Variants in RBFOX3 observed in about 807,000 individuals in gnomAD.
The protein encoded by RBFOX3 is RNA binding protein fox-1 homolog 3.
In RBFOX3, 17 loss-of-function variants were observed where a neutral mutation model predicts 48.7. The observed-to-expected ratio is 0.35, with a 90% CI of 0.24 to 0.52. RBFOX3 has a LOEUF of 0.52. Ranked by LOEUF, RBFOX3 falls within the 20% of genes least tolerant of loss-of-function variation. The pLI, the probability that RBFOX3 is intolerant of heterozygous loss-of-function variation, is 0.94. For missense variants in RBFOX3, 382 were observed against 497.5 expected (o/e 0.77, Z 2.21); for synonymous variants, 212 against 209.5 (o/e 1.01, Z -0.10).
intron 4 of RBFOX3, among the ~76,000 whole-genome samples, chr17:79,193,969 G>C (rs1464463150): frequency 6.6e-6 from 1 of 152,132 alleles, no homozygotes; most frequent in Non-Finnish European, 1.5e-5. Flanking sequence ...AAGGGAGGAA[G>C]GCCAGGGCAT....
chr17:79,165,072 C>T (rs1052587008), intron 4 of RBFOX3, among the ~76,000 whole-genome samples: 7 of 152,106 alleles, frequency 4.6e-5, no homozygotes, highest in African/African-American at 9.7e-5. Context: ...CCGGGCCACA[C>T]CTAACAGGCA....
chr17:79,144,757 G>A (rs1485794712), intron 4 of RBFOX3, among the ~76,000 whole-genome samples: 1 of 152,154 alleles, frequency 6.6e-6, no homozygotes, highest in African/African-American at 2.4e-5. Context: ...AGGACTAGGT[G>A]CCCCCCACTC....
At chr17:79,635,416 C>T in the RBFOX3 span, among the ~76,000 whole-genome samples, 4 of 152,174 alleles carry the variant, frequency 2.6e-5, no homozygotes, top group Non-Finnish European at 4.4e-5. Context: ...ATAGGAGCTT[C>T]CCTGCCACGT....
chr17:79,380,212 C>T (rs996563379), intron 2 of RBFOX3, among the ~76,000 whole-genome samples: 4 of 152,126 alleles, frequency 2.6e-5, no homozygotes, highest in Admixed American at 2.6e-4. Context: ...CTCCCCCAGG[C>T]TGCCAAGCCC....
At chr17:79,637,486 G>C in the RBFOX3 span, among the ~76,000 whole-genome samples, 2 of 151,938 alleles carry the variant, frequency 1.3e-5, no homozygotes, top group Admixed American at 1.3e-4. Flanking sequence ...CTGAGGTCAG[G>C]AGTTCGAGAC....
intron 1 of RBFOX3, among the ~76,000 whole-genome samples, chr17:79,579,111 C>T (rs1458183555): frequency 6.6e-6 from 1 of 152,230 alleles, no homozygotes; most frequent in Non-Finnish European, 1.5e-5. Context: ...TCTTCCTGCC[C>T]AGCTCTGCTT....
rs182960891 is a variant in RBFOX3 at position 79,545,275 on chromosome 17, C to T, written c.-319-62677G>A. On this transcript the variant is annotated intron_variant, in intron 1 of 14. Coordinates refer to ENST00000693108, the MANE Select transcript of RBFOX3 (RefSeq NM_001350451.2). ...CCCATTCCCGCCCTCTCCCTCGCCC[C>T]TGCTAGAGGAGCACGTCTACCAGGA... 1.6e-3 allele frequency among the ~76,000 whole-genome samples: 239 copies of T among 152,200 alleles called. 1 individual carries two copies. Among genetic ancestry groups the T allele is most frequent in the Admixed American group, 0.011 (167 of 15,294 alleles).
intron 5 of RBFOX3, among the ~76,000 whole-genome samples, chr17:79,110,808 C>T (rs564110689): frequency 3.9e-5 from 6 of 152,320 alleles, no homozygotes; most frequent in South Asian, 4.1e-4. Flanking sequence ...CACCGTGGCA[C>T]GGGCAGCCGA....
At position 79,406,476 on chromosome 17, in the gene RBFOX3, G is replaced by A. The variant is rs117394494; in HGVS notation, c.-175+75978C>T. On this transcript the variant is annotated intron_variant, in intron 2 of 14. Coordinates refer to ENST00000693108, the MANE Select transcript of RBFOX3 (RefSeq NM_001350451.2). ...GCCACCTGCTTCTCCCTGGGCTGGC[G>A]AGGATGAGGCCTCTCCATTGCCTGG... Among the ~76,000 whole-genome samples the A allele has an allele frequency of 5.2e-3, 794 of 152,280 alleles. 2 individuals carry two copies. Among genetic ancestry groups the A allele is most frequent in the Non-Finnish European group, 9.2e-3 (625 of 68,022 alleles).
At chr17:79,426,687 T>C (rs2067451378) in intron 2 of RBFOX3, among the ~76,000 whole-genome samples, 2 of 151,620 alleles carry the variant, frequency 1.3e-5, no homozygotes, top group African/African-American at 4.9e-5. Flanking sequence ...CTTTGGGGTG[T>C]GTGTTTTTTG....
chr17:79,383,960 G>A (rs72852421), intron 2 of RBFOX3, among the ~76,000 whole-genome samples: 4,348 of 152,274 alleles, frequency 0.029, 86 homozygotes, highest in Non-Finnish European at 0.04. Context: ...GTATGTGGGG[G>A]AAGGCAAGAT....
intron 2 of RBFOX3, among the ~76,000 whole-genome samples, chr17:79,415,862 G>A (rs908048648): frequency 2.0e-4 from 31 of 152,128 alleles, no homozygotes; most frequent in African/African-American, 7.5e-4. Flanking sequence ...GGACTGCAGG[G>A]GTCTCTGAGC....
intron 13 of RBFOX3, 143 bp from the exon 14 acceptor site, chr17:79,094,672 G>A (rs2074795953): frequency 2.0e-6 from 1 of 500,966 alleles, no homozygotes; most frequent in Non-Finnish European, 3.4e-6. Flanking sequence ...CTCCCCTCCT[G>A]CAAGGCCTGC....
intron 4 of RBFOX3, among the ~76,000 whole-genome samples, chr17:79,200,487 A>G (rs1238631140): frequency 6.6e-6 from 1 of 152,270 alleles, no homozygotes; most frequent in Non-Finnish European, 1.5e-5. Flanking sequence ...GAGTGGCCTC[A>G]GCACAGAGCC....
chr17:79,552,123 A>G (rs1053423856), intron 1 of RBFOX3, among the ~76,000 whole-genome samples: 98 of 152,322 alleles, frequency 6.4e-4, no homozygotes, highest in African/African-American at 2.1e-3. Context: ...CCAGAAAAAC[A>G]AGGTTTTGTG....
Position 79,390,334 on chromosome 17 carries a change from T to C in RBFOX3, c.-174-82510A>G, listed in dbSNP as rs1032306588. On this transcript the variant is annotated intron_variant, in intron 2 of 14. Transcript: ENST00000693108. The surrounding 1 kb of genome is among the most constrained non-coding windows in gnomAD (Gnocchi z 4.2). Reference sequence around the variant, plus strand: ...CTTAGACTCCACTCTGAGTTTGGCTTTGCCACGCTGTGGTTTCATCACGAC... The same window carrying C: ...CTTAGACTCCACTCTGAGTTTGGCTCTGCCACGCTGTGGTTTCATCACGAC... 1.4e-4 allele frequency among the ~76,000 whole-genome samples: 22 copies of C among 152,214 alleles called. No individual in the cohort carries two copies. The highest frequency in any genetic ancestry group is 5.3e-4 in the African/African-American group (22 of 41,456).
intron 1 of RBFOX3, among the ~76,000 whole-genome samples, chr17:79,581,344 G>A (rs1238628306): frequency 6.6e-6 from 1 of 152,212 alleles, no homozygotes; most frequent in South Asian, 2.1e-4. Context: ...GCAGAAACAA[G>A]AAGGAAGACT....
intron 2 of RBFOX3, among the ~76,000 whole-genome samples, chr17:79,319,300 C>T (rs2078047789): frequency 6.6e-6 from 1 of 152,166 alleles, no homozygotes; most frequent in African/African-American, 2.4e-5. Context: ...CTCAGTGATC[C>T]ACAGCAGAAA....
Position 79,138,177 on chromosome 17 carries a change from C to T in RBFOX3, c.-33-22429G>A, listed in dbSNP as rs1251121464. On this transcript the variant is annotated intron_variant, in intron 4 of 14. Transcript: ENST00000693108. ...CCGAGCCTGCGAGGCACACTCCCAC[C>T]GCAGGAGCAACCTGTACATGCCTGC... Among the ~76,000 whole-genome samples the T allele has an allele frequency of 6.6e-5, 10 of 152,290 alleles. 2 individuals are homozygous for T. Among genetic ancestry groups the T allele is most frequent in the Admixed American group, 5.9e-4 (9 of 15,302 alleles).
Sources: allele counts gnomAD v4.1 joint callset (sites outside exome capture counted in the v4.1 genomes callset), GRCh38; gene constraint gnomAD v4.1.1; non-coding constraint Gnocchi (gnomAD v3.1); transcripts MANE v1.5; gene names NCBI Gene and HGNC (gene_info 2026-07-23, HGNC 2026-07-21).